UGT3A2: variants seen among roughly 807,000 people sequenced by gnomAD.
UGT3A2 encodes UDP glycosyltransferase family 3 member A2, also known as UDP-glycosyltransferase 3A2.
A neutral mutation model predicts 39.8 loss-of-function variants in UGT3A2; 32 were observed. That is an observed-to-expected ratio of 0.80 (90% confidence interval 0.61 to 1.08). The LOEUF (loss-of-function observed/expected upper bound fraction) is 1.08. UGT3A2 is among the 50% of genes least tolerant of loss of function. The pLI is 0.00. For synonymous variants in UGT3A2, 241 were observed against 230.7 expected, an observed-to-expected ratio of 1.04 and a Z score of -0.40; for missense variants, 611 against 637.1, an observed-to-expected ratio of 0.96 and a Z score of 0.44.
Position 36,037,816 on chromosome 5 carries a change from G to C in UGT3A2, c.1276C>G (p.Gln426Glu). The change falls in exon 6 of 7, where the codon CAA (glutamine) becomes GAA (glutamate). Residue 426 changes from glutamine (Q) to glutamate (E), a missense_variant. Physicochemically the swap from Gln to Glu is conservative, Grantham distance 29. Transcript: ENST00000282507. ...KAETLALKMK[Q>E]IMEDKRYKSA... is the part of the protein sequence containing the mutation. ...GCATACCTCTTGTCTTCCATGATTTGTTTCATCTTAAGAGCCAATGTCTCT... is the reference window on the plus strand; with the variant it reads ...GCATACCTCTTGTCTTCCATGATTTCTTTCATCTTAAGAGCCAATGTCTCT... 1 of 1,614,120 alleles carries C rather than the reference G, an allele frequency of 6.2e-7. No individual in the cohort carries two copies. The highest frequency in any genetic ancestry group is 8.5e-7 in the Non-Finnish European group (1 of 1,180,034).
chr5:36,047,565 ACTT>A (rs1024851243), intron 4 of UGT3A2, among the ~76,000 whole-genome samples: 28 of 152,294 alleles, frequency 1.8e-4, no homozygotes, highest in African/African-American at 6.5e-4. Flanking sequence ...ATTCCCAAGG[ACTT>A]CTTTAAAACA....
chr5:36,061,713 G>A (rs1260871569), intron 2 of UGT3A2, among the ~76,000 whole-genome samples: 3 of 151,292 alleles, frequency 2.0e-5, no homozygotes, highest in African/African-American at 7.4e-5. Flanking sequence ...ATGTGCATGT[G>A]TCTTTATAGC....
chr5:36,055,158 G>C (rs1409246618), intron 2 of UGT3A2, among the ~76,000 whole-genome samples: 2 of 152,004 alleles, frequency 1.3e-5, no homozygotes, highest in African/African-American at 2.4e-5. Context: ...AAATTTGGGG[G>C]GGTACCTTGT....
chr5:36,035,740 A>T lies in UGT3A2; in HGVS notation c.1530T>A (p.Ala510=). 1 of 1,614,164 alleles carries T rather than the reference A, an allele frequency of 6.2e-7. No individual in the cohort carries two copies. The highest frequency in any genetic ancestry group is 2.2e-5 in the East Asian group (1 of 44,860). ...LWLCGKLLGM[A]VWWLRGARKV... ...TTCTGGCCCCACGCAGCCACCAGAC[A>T]GCCATGCCCAGCAGCTTCCCACAAA... Residue 510 remains alanine (A), a synonymous_variant, in exon 7 of 7, where the codon GCT becomes GCA. Coordinates refer to ENST00000282507, the MANE Select transcript of UGT3A2 (RefSeq NM_174914.4).
At chr5:36,065,238 G>A (rs930294428) in intron 1 of UGT3A2, among the ~76,000 whole-genome samples, 2 of 152,164 alleles carry the variant, frequency 1.3e-5, no homozygotes, top group Non-Finnish European at 2.9e-5. Context: ...CCTGCGGGGT[G>A]GGGGTGGAAG....
At chr5:36,060,417 C>G (rs1470754058) in intron 2 of UGT3A2, among the ~76,000 whole-genome samples, 1 of 152,056 alleles carries the variant, frequency 6.6e-6, no homozygotes, top group Non-Finnish European at 1.5e-5. Flanking sequence ...GGCAGTCACG[C>G]CCCAAGTGCA....
chr5:36,066,633 G>A, intron 1 of UGT3A2, 63 bp downstream of exon 1: 1 of 1,609,264 alleles, frequency 6.2e-7, no homozygotes, highest in East Asian at 2.2e-5. Flanking sequence ...CTGTTCTCTG[G>A]AGCCCTGGCA....
At chr5:36,049,450 A>T (rs1742275049) in intron 3 of UGT3A2, 30 bp from the exon 4 acceptor site, 1 of 1,478,362 alleles carries the variant, frequency 6.8e-7, no homozygotes, top group South Asian at 1.4e-5. Flanking sequence ...ATAAATATTC[A>T]TGGGAAGTGT....
intron 2 of UGT3A2, among the ~76,000 whole-genome samples, chr5:36,061,115 T>A (rs1403706702): frequency 6.6e-6 from 1 of 152,094 alleles, no homozygotes; most frequent in Non-Finnish European, 1.5e-5. Flanking sequence ...GAGGTTGCAG[T>A]GAGCCAAGAT....
intron 2 of UGT3A2, 44 bp downstream of exon 2, chr5:36,064,205 C>T: frequency 6.5e-7 from 1 of 1,546,928 alleles, no homozygotes; most frequent in Non-Finnish European, 8.9e-7. Flanking sequence ...GCATTTTGCT[C>T]TTTGCTTGGA....
chr5:36,052,098 G>A, intron 2 of UGT3A2, 114 bp from the exon 3 acceptor site: 1 of 664,448 alleles, frequency 1.5e-6, no homozygotes, highest in South Asian at 2.2e-5. Context: ...TTGAATGATT[G>A]CTTCAAGTAT....
In UGT3A2 at chr5:36,035,932, G is replaced by C; in HGVS notation, c.1338C>G (p.Ser446=). 6.2e-7 allele frequency: 1 copy of C among 1,614,156 alleles called. No individual in the cohort carries two copies. Among genetic ancestry groups the C allele is most frequent in the East Asian group, 2.2e-5 (1 of 44,880 alleles). Reference sequence around the variant, plus strand: ...GCCGCTGTGTGGGGCTGAGCGGGTGGGAGCGCAGGATGACACTGGCAGCCA... The same window carrying C: ...GCCGCTGTGTGGGGCTGAGCGGGTGCGAGCGCAGGATGACACTGGCAGCCA... ...AAVAASVILR[S]HPLSPTQRLV... The change falls in exon 7 of 7, where the codon TCC becomes TCG. Residue 446 remains serine (S), a synonymous_variant. Transcript: ENST00000282507.
intron 5 of UGT3A2, among the ~76,000 whole-genome samples, 166 bp downstream of exon 5, chr5:36,039,311 A>G (rs1486754853): frequency 6.6e-6 from 1 of 152,228 alleles, no homozygotes; most frequent in African/African-American, 2.4e-5. Context: ...CATTGGAAGT[A>G]TAGCCTGGTT....
intron 4 of UGT3A2, among the ~76,000 whole-genome samples, chr5:36,047,362 T>C (rs1742198873): frequency 6.6e-6 from 1 of 152,244 alleles, no homozygotes; most frequent in Non-Finnish European, 1.5e-5. Context: ...ACCAGCGTCA[T>C]ATATTTTGGG....
chr5:36,065,594 GA>G (rs1176363034), intron 1 of UGT3A2, among the ~76,000 whole-genome samples: 1 of 152,002 alleles, frequency 6.6e-6, no homozygotes, highest in Non-Finnish European at 1.5e-5. Flanking sequence ...GAAAGAGGGG[GA>G]AAAAGTCTTC....
chr5:36,051,259 G>A (rs540171332), intron 3 of UGT3A2, among the ~76,000 whole-genome samples: 11 of 152,240 alleles, frequency 7.2e-5, no homozygotes, highest in African/African-American at 2.4e-4. Flanking sequence ...CCTCTTTTAT[G>A]TCTAAGATTA....
chr5:36,066,353 C>T (rs1026342952), intron 1 of UGT3A2, among the ~76,000 whole-genome samples: 10 of 152,168 alleles, frequency 6.6e-5, no homozygotes, highest in African/African-American at 2.4e-4. Flanking sequence ...TTAAGGTGAG[C>T]CTCTGAAAGT....
chr5:36,060,877 C>A lies in UGT3A2; in HGVS notation c.196+3372G>T, dbSNP rs114056047. 5.6e-3 allele frequency among the ~76,000 whole-genome samples: 848 copies of A among 152,230 alleles called. 15 individuals carry two copies. The highest frequency in any genetic ancestry group is 0.019 in the African/African-American group (807 of 41,528). On this transcript the variant is annotated intron_variant, in intron 2 of 6. Transcript: ENST00000282507. ...CTAAACGGTACATTGGAAATGGGGC[C>A]AGGTGCGGTGGCTCACACCTGTAAT...
At chr5:36,036,260 T>A (rs968829174) in intron 6 of UGT3A2, among the ~76,000 whole-genome samples, 1 of 152,200 alleles carries the variant, frequency 6.6e-6, no homozygotes, top group African/African-American at 2.4e-5. Flanking sequence ...TATGATGTAA[T>A]TATTATACAT....
Sources: allele counts gnomAD v4.1 joint callset (sites outside exome capture counted in the v4.1 genomes callset), GRCh38; gene constraint gnomAD v4.1.1; transcripts MANE v1.5; gene names NCBI Gene and HGNC (gene_info 2026-07-23, HGNC 2026-07-21).